The following ITGB3BP variants were observed in gnomAD, a reference collection of about 807,000 sequenced individuals.
ITGB3BP encodes integrin subunit beta 3 binding protein, also known as centromere protein R.
Under a neutral mutation model 29.1 loss-of-function variants are expected in ITGB3BP, and 27 were observed. That is an observed-to-expected ratio of 0.93 (90% CI 0.68 to 1.28). The LOEUF is 1.28. Among genes scored for constraint, ITGB3BP ranks in the 50% most tolerant of loss-of-function variants. The pLI is 0.00. For synonymous variants in ITGB3BP, 61 were observed against 61.4 expected (o/e 0.99, Z 0.03); for missense variants, 192 against 200.2 (o/e 0.96, Z 0.25).
chr1:63,447,949 A>G (rs1644808970), intron 7 of ITGB3BP, among the ~76,000 whole-genome samples: 2 of 151,952 alleles, frequency 1.3e-5, no homozygotes, highest in South Asian at 2.1e-4. Context: ...ACAATGATAG[A>G]CTGGATTAAG....
chr1:63,455,314 T>C (rs1010938427), intron 4 of ITGB3BP, among the ~76,000 whole-genome samples: 8 of 152,052 alleles, frequency 5.3e-5, no homozygotes, highest in African/African-American at 1.9e-4. Flanking sequence ...ATTTTAAATA[T>C]GAAAATAAAG....
intron 4 of ITGB3BP, among the ~76,000 whole-genome samples, chr1:63,465,694 TG>T (rs1167207773): frequency 1.3e-5 from 2 of 152,084 alleles, no homozygotes; most frequent in Non-Finnish European, 2.9e-5. Context: ...CCAGCCCCAG[TG>T]GGAAATTTTG....
At position 63,444,601 on chromosome 1, in the gene ITGB3BP, A is replaced by AAT. The variant is rs971593815; in HGVS notation, c.*1+2203_*1+2204dup. Among the ~76,000 whole-genome samples, 7 of 109,758 alleles carry AAT rather than the reference A, an allele frequency of 6.4e-5. No homozygotes were observed. In the South Asian group the frequency reaches 1.5e-3, roughly 24 times the overall value. 72.0% of individuals were successfully genotyped at this position (109,758 alleles called of 152,430 possible). Reference sequence around the variant, plus strand: ...AGGATATATATATATCTCCTATTACAATATATATATATCTCCTATTACATA... The same window carrying AAT: ...AGGATATATATATATCTCCTATTACAATATATATATATATCTCCTATTACATA... On this transcript the variant is annotated intron_variant, in intron 8 of 8. Transcript: ENST00000271002.
intron 1 of ITGB3BP, among the ~76,000 whole-genome samples, chr1:63,522,403 C>A (rs934905539): frequency 7.9e-5 from 12 of 152,028 alleles, no homozygotes; most frequent in Admixed American, 7.2e-4. Context: ...CAAGGACGGC[C>A]AAGGAGAAAT....
intron 4 of ITGB3BP, among the ~76,000 whole-genome samples, chr1:63,466,152 C>A (rs1213700275): frequency 6.6e-6 from 1 of 152,204 alleles, no homozygotes; most frequent in Non-Finnish European, 1.5e-5. Context: ...GGAGCCATGG[C>A]ATTGATCCAG....
At position 63,449,638 on chromosome 1, in the gene ITGB3BP, T is replaced by C. The variant is rs1173605562; in HGVS notation, c.485-2782A>G. ...GGCATACATGATAGCTGAATCATTA[T>C]AAAGAGCTGAGGACTATAGTTGTAC... On this transcript the variant is annotated intron_variant, in intron 7 of 8. Transcript: ENST00000271002. 2.6e-5 allele frequency: 4 copies of C among 154,130 alleles called. No individual in the cohort carries two copies. The East Asian group carries it at 7.7e-4, about 30-fold the overall frequency. 9.5% of individuals were successfully genotyped at this position (154,130 alleles called of 1,614,324 possible).
intron 4 of ITGB3BP, among the ~76,000 whole-genome samples, chr1:63,463,662 C>T (rs192390056): frequency 2.6e-5 from 4 of 152,188 alleles, no homozygotes; most frequent in African/African-American, 9.6e-5. Context: ...AAAAGCCAAT[C>T]GCAGTAAATT....
At chr1:63,480,907 T>TA (rs1396391578) in intron 3 of ITGB3BP, among the ~76,000 whole-genome samples, 2 of 151,626 alleles carry the variant, frequency 1.3e-5, no homozygotes, top group African/African-American at 2.4e-5. Flanking sequence ...AATCTGTCTC[T>TA]AAAAAAAAGC....
At position 63,523,167 on chromosome 1, in the gene ITGB3BP, T is replaced by C; in HGVS notation, c.-34A>G. The C allele has an allele frequency of 6.2e-7, 1 of 1,613,710 alleles. No homozygotes were observed. The highest frequency in any genetic ancestry group is 8.5e-7 in the Non-Finnish European group (1 of 1,179,976). Reference sequence around the variant, plus strand: ...TCGGGAAAGCACCACTGCCGCTGAATAAAACGAACCCAGCAACTTCCGAAA... The same window carrying C: ...TCGGGAAAGCACCACTGCCGCTGAACAAAACGAACCCAGCAACTTCCGAAA... On this transcript the variant is annotated 5_prime_UTR_variant, in exon 1 of 9. Transcript: ENST00000271002.
intron 4 of ITGB3BP, among the ~76,000 whole-genome samples, chr1:63,472,431 A>ACCCTCTCCCTCTCCCTCTCCCTCT (rs200905947): frequency 2.5e-5 from 3 of 117,868 alleles, no homozygotes; most frequent in Non-Finnish European, 5.2e-5. Flanking sequence ...AAACTGATCC[A>ACCCTCTCCCTCTCCCTCTCCCTCT]CCCTCTCCCT....
intron 4 of ITGB3BP, among the ~76,000 whole-genome samples, chr1:63,470,700 T>C (rs1221008508): frequency 6.6e-6 from 1 of 152,206 alleles, no homozygotes; most frequent in African/African-American, 2.4e-5. Context: ...TGACTAGGAA[T>C]TAGACTGCAA....
intron 3 of ITGB3BP, among the ~76,000 whole-genome samples, chr1:63,486,339 T>C (rs961971165): frequency 1.3e-5 from 2 of 152,010 alleles, no homozygotes; most frequent in Non-Finnish European, 2.9e-5. Flanking sequence ...ACTCGAGGGT[T>C]AGGAGTGCCA....
chr1:63,494,365 C>T (rs573904250), intron 2 of ITGB3BP, among the ~76,000 whole-genome samples: 2 of 152,282 alleles, frequency 1.3e-5, no homozygotes, highest in South Asian at 2.1e-4. Flanking sequence ...ATGATCTGCC[C>T]GCCTTGGCTT....
intron 2 of ITGB3BP, among the ~76,000 whole-genome samples, chr1:63,496,070 C>T (rs999801114): frequency 6.6e-6 from 1 of 151,594 alleles, no homozygotes; most frequent in Admixed American, 6.6e-5. Flanking sequence ...TAAGCTTACT[C>T]CTACTTCATT....
At chr1:63,463,249 CAAAAAAAAAAA>C (rs10693054) in intron 4 of ITGB3BP, among the ~76,000 whole-genome samples, 63 of 77,150 alleles carry the variant, frequency 8.2e-4, no homozygotes, top group Non-Finnish European at 1.1e-3. Context: ...AACTCTGTCT[CAAAAAAAAAAA>C]AAAAAAAAAA....
At chr1:63,500,024 T>C (rs950454147) in intron 2 of ITGB3BP, among the ~76,000 whole-genome samples, 2 of 152,168 alleles carry the variant, frequency 1.3e-5, no homozygotes, top group African/African-American at 4.8e-5. Context: ...AAGGCGTAGA[T>C]TGCAAAAGAA....
intron 4 of ITGB3BP, among the ~76,000 whole-genome samples, chr1:63,470,695 A>G (rs1645180990): frequency 6.6e-6 from 1 of 152,190 alleles, no homozygotes; most frequent in Admixed American, 6.5e-5. Flanking sequence ...TGAGGTGACT[A>G]GGAATTAGAC....
intron 1 of ITGB3BP, chr1:63,510,100 G>C (rs1646166027): frequency 4.7e-6 from 3 of 632,432 alleles, no homozygotes; most frequent in Non-Finnish European, 8.8e-6. Context: ...TGAGGCAGGA[G>C]AATCGCTTGA....
Position 63,454,520 on chromosome 1 carries a change from GAT to G in ITGB3BP, c.334-49_334-48del. On this transcript the variant is annotated intron_variant, in intron 5 of 8. Coordinates refer to ENST00000271002, the MANE Select transcript of ITGB3BP (RefSeq NM_014288.5). This position sits in a 1 kb window ranked among gnomAD's most constrained non-coding sequence, Gnocchi z 4.1. The stretch of plus-strand genomic sequence containing the variant: ...TGAGTTAAGTTCTCTACACACATGA[GAT>G]TACTGACATGTCTAGTGAAAATACA... 3.5e-6 allele frequency: 3 copies of G among 854,586 alleles called. No homozygotes were observed. Among genetic ancestry groups the G allele is most frequent in the Non-Finnish European group, 5.7e-6 (3 of 528,646 alleles). The allele number at this position is 854,586 out of a possible 1,614,324, so 52.9% of individuals were successfully genotyped here.
Sources: gnomAD v4.1 joint callset for allele counts (sites outside exome capture counted in the v4.1 genomes callset) on GRCh38, gnomAD v4.1.1 for gene constraint, Gnocchi (gnomAD v3.1) non-coding constraint, MANE v1.5 for transcripts, NCBI Gene and HGNC (gene_info 2026-07-23, HGNC 2026-07-21) for gene names.